HEXA: variants seen among roughly 807,000 people sequenced by gnomAD.
HEXA encodes beta-hexosaminidase subunit alpha.
HEXA carries 54 observed loss-of-function variants against 73.3 expected under a neutral mutation model. The ratio of observed to expected loss-of-function variants is 0.74; its 90% confidence interval spans 0.59 to 0.92. The LOEUF (loss-of-function observed/expected upper bound fraction) is 0.92. Among genes scored for constraint, HEXA ranks in the 40% least tolerant of loss-of-function variants. The probability of loss-of-function intolerance (pLI) is 0.00; values close to 1 mark genes in which losing one functional copy is unlikely to be tolerated. For missense variants in HEXA, 649 were observed against 653.0 expected (o/e 0.99, Z 0.07); for synonymous variants, 230 against 246.9 (o/e 0.93, Z 0.64).
At chr15:72,357,685 G>C (rs893434383) in intron 1 of HEXA, 2 of 152,160 alleles carry the variant, frequency 1.3e-5, no homozygotes, top group African/African-American at 4.8e-5. Context: ...AAGGCAATGA[G>C]AGAATTCAGA....
intron 3 of HEXA, 151 bp downstream of exon 3, chr15:72,355,408 C>G: frequency 1.4e-6 from 1 of 701,292 alleles, no homozygotes; most frequent in Non-Finnish European, 2.6e-6. Flanking sequence ...CACCTGTAAT[C>G]CCAGCTACTT....
At chr15:72,350,778 T>C in intron 6 of HEXA, 128 bp from the exon 7 acceptor site, 1 of 994,220 alleles carries the variant, frequency 1.0e-6, no homozygotes, top group Non-Finnish European at 1.5e-6. Flanking sequence ...TGTCAGGGAC[T>C]ATCTTCAAAA....
intron 9 of HEXA, 38 bp downstream of exon 9, chr15:72,348,010 C>T (rs1395298029): frequency 1.4e-6 from 2 of 1,410,260 alleles, no homozygotes; most frequent in Admixed American, 1.7e-5. Context: ...CACAGGAGGA[C>T]CCCCAAGGGA....
chr15:72,367,234 C>A (rs559027501), intron 1 of HEXA, among the ~76,000 whole-genome samples: 1 of 152,136 alleles, frequency 6.6e-6, no homozygotes, highest in Admixed American at 6.6e-5. Context: ...TGAGCCACCA[C>A]GACCACCAAT....
chr15:72,346,858 C>T, intron 10 of HEXA, 148 bp from the exon 11 acceptor site: 1 of 788,546 alleles, frequency 1.3e-6, no homozygotes, highest in Non-Finnish European at 2.2e-6. Flanking sequence ...GACCATTGAG[C>T]TCACACCTCA....
In HEXA at chr15:72,375,895, C is replaced by A; in HGVS notation, c.78G>T (p.Trp26Cys). ...GGTCGGAGGTTTGGAAGTTCTGAGG[C>A]CAGGGCCAGAGGGCCGTCGCCCGTC... ...FAGRATALWP[W>C]PQNFQTSDQR... Residue 26 changes from tryptophan to cysteine, a missense_variant, in exon 1 of 14, where the codon TGG becomes TGT. By Grantham distance (215) the Trp-to-Cys change is radical. Coordinates refer to ENST00000268097, the MANE Select transcript of HEXA (RefSeq NM_000520.6). 2 of 1,614,238 alleles carry A rather than the reference C, an allele frequency of 1.2e-6. No individual in the cohort carries two copies. The highest frequency in any genetic ancestry group is 4.5e-5 in the East Asian group (2 of 44,882).
At chr15:72,347,404 GT>G (rs1260341921) in intron 10 of HEXA, among the ~76,000 whole-genome samples, 3 of 151,150 alleles carry the variant, frequency 2.0e-5, no homozygotes, top group Admixed American at 2.0e-4. Context: ...CCTGATTTTT[GT>G]ATTTTTTGTA....
At chr15:72,361,597 CCT>C (rs896199131) in intron 1 of HEXA, among the ~76,000 whole-genome samples, 1 of 152,018 alleles carries the variant, frequency 6.6e-6, no homozygotes, top group Non-Finnish European at 1.5e-5. Flanking sequence ...CCTGGCTGAT[CCT>C]CTCTCTCACT....
In HEXA at chr15:72,344,021, A is replaced by G; in HGVS notation, c.*56T>C. The G allele has an allele frequency of 1.4e-6, 2 of 1,455,228 alleles. No individual in the cohort carries two copies. Among genetic ancestry groups the G allele is most frequent in the Non-Finnish European group, 1.9e-6 (2 of 1,036,428 alleles). The allele number at this position is 1,455,228 out of a possible 1,614,324, so 90.1% of individuals were successfully genotyped here. On this transcript the variant is annotated 3_prime_UTR_variant, in exon 14 of 14. Coordinates refer to ENST00000268097, the MANE Select transcript of HEXA (RefSeq NM_000520.6). ...CCGTCCCCTGGCCAGGATGCAGTGG[A>G]AGCCTGGCTCCACTACCATTCACCT...
chr15:72,373,092 C>T (rs1389332367), intron 1 of HEXA, among the ~76,000 whole-genome samples: 1 of 152,164 alleles, frequency 6.6e-6, no homozygotes, highest in Admixed American at 6.5e-5. Context: ...GATTGTGCCA[C>T]TGAACTCCAG....
rs761854464 is a variant in HEXA, at chr15:72,355,636, G to A, written c.347-12C>T. On this transcript the variant is annotated splice_polypyrimidine_tract_variant and intron_variant, in intron 2 of 13. Transcript: ENST00000268097. The stretch of plus-strand genomic sequence containing the variant: ...TATGGTCAGGGTATCTGAAATGACA[G>A]AAATGAACTCATTTAGTTGGTTAAG... The A allele has an allele frequency of 5.7e-6, 9 of 1,584,224 alleles. No homozygotes were observed. In the African/African-American group the frequency reaches 9.4e-5, roughly 17 times the overall value.
chr15:72,349,046 C>A, intron 8 of HEXA, 33 bp downstream of exon 8: 2 of 1,582,410 alleles, frequency 1.3e-6, no homozygotes, highest in South Asian at 2.2e-5. Flanking sequence ...AGCAACTGAT[C>A]AGGCCACAGT....
chr15:72,358,474 A>T (rs2088813155), intron 1 of HEXA: 1 of 152,238 alleles, frequency 6.6e-6, no homozygotes, highest in South Asian at 2.1e-4. Context: ...CGATTTTTAA[A>T]AAATTTATTT....
rs529223624 is a variant in HEXA, at chr15:72,346,852, A to AT, written c.1147-143dup. The AT allele has an allele frequency of 1.7e-4, 141 of 818,470 alleles. No homozygotes were observed. In the African/African-American group the frequency reaches 2.2e-3, roughly 13 times the overall value. 50.7% of individuals were successfully genotyped at this position (818,470 alleles called of 1,614,324 possible). On this transcript the variant is annotated intron_variant, in intron 10 of 13. Coordinates refer to ENST00000268097, the MANE Select transcript of HEXA (RefSeq NM_000520.6). ...AAGTATGTCTCTGTGACTCCTGACC[A>AT]TTGAGCTCACACCTCAGGACAGAGG... is the stretch of plus-strand genomic sequence containing the variant.
At chr15:72,374,961 C>T (rs527478424) in intron 1 of HEXA, among the ~76,000 whole-genome samples, 1 of 152,268 alleles carries the variant, frequency 6.6e-6, no homozygotes, top group Non-Finnish European at 1.5e-5. Flanking sequence ...CCTGGAATAC[C>T]CTCTTTTCAG....
rs113434085 is a variant in HEXA, at chr15:72,351,938, CTCCT to C, written c.571-708_571-705del. Reference sequence around the variant, plus strand: ...GTTCAAGTGCTTCTCATGCCTCAGCCTCCTTCCTTCCTTCACTTATTTATTTATT... The same window carrying C: ...GTTCAAGTGCTTCTCATGCCTCAGCCTCCTTCCTTCACTTATTTATTTATT... On this transcript the variant is annotated intron_variant, in intron 5 of 13. Coordinates refer to ENST00000268097, the MANE Select transcript of HEXA (RefSeq NM_000520.6). 23 of 152,538 alleles carry C rather than the reference CTCCT, an allele frequency of 1.5e-4. 2 individuals carry two copies. The highest frequency in any genetic ancestry group is 1.4e-3 in the Admixed American group (21 of 15,160). 9.4% of individuals were successfully genotyped at this position (152,538 alleles called of 1,614,324 possible).
At chr15:72,351,258 GAACCC>G in intron 5 of HEXA, 24 bp from the exon 6 acceptor site, 5 of 1,467,700 alleles carry the variant, frequency 3.4e-6, no homozygotes, top group Non-Finnish European at 4.8e-6. Context: ...TGCACACTGT[GAACCC>G]ATCACAGTCT....
chr15:72,356,759 G>A (rs2088789841), intron 1 of HEXA, 142 bp from the exon 2 acceptor site: 1 of 1,226,620 alleles, frequency 8.2e-7, no homozygotes, highest in Non-Finnish European at 1.2e-6. Flanking sequence ...GGCATAGGCA[G>A]TGCCTGATCA....
rs140578766 is a variant in HEXA, at chr15:72,353,002, T to C, written c.570+66A>G. The stretch of plus-strand genomic sequence containing the variant: ...TCTAACTCTTTAAGAATTTGGAACT[T>C]GGTCTGTCCGTTGCTCCATCACCCT... On this transcript the variant is annotated intron_variant, in intron 5 of 13. Transcript: ENST00000268097. The C allele has an allele frequency of 6.6e-4, 633 of 955,126 alleles. 4 individuals are homozygous for C. The African/African-American group carries it at 8.9e-3, about 13-fold the overall frequency. The allele number at this position is 955,126 out of a possible 1,614,324, so 59.2% of individuals were successfully genotyped here.
Sources: gnomAD v4.1 joint callset for allele counts (sites outside exome capture counted in the v4.1 genomes callset) on GRCh38, gnomAD v4.1.1 for gene constraint, MANE v1.5 for transcripts, NCBI Gene and HGNC (gene_info 2026-07-23, HGNC 2026-07-21) for gene names.